The following GNAI3 variants were observed in gnomAD, a reference collection of about 807,000 sequenced individuals.
The protein encoded by GNAI3 is guanine nucleotide-binding protein G(i) subunit alpha-3.
GNAI3 carries 12 observed loss-of-function variants against 41.8 expected under a neutral mutation model. The ratio of observed to expected loss-of-function variants is 0.29; its 90% confidence interval spans 0.18 to 0.47. GNAI3 has a LOEUF of 0.47. GNAI3 is among the 20% of genes least tolerant of loss of function. The pLI is 1.00. For synonymous variants in GNAI3, 132 were observed against 146.5 expected, an observed-to-expected ratio of 0.90 and a Z score of 0.71; for missense variants, 360 against 429.6, an observed-to-expected ratio of 0.84 and a Z score of 1.43.
chr1:109,556,050 T>C (rs565071997), intron 1 of GNAI3, among the ~76,000 whole-genome samples: 2 of 147,090 alleles, frequency 1.4e-5, no homozygotes, highest in African/African-American at 5.4e-5. Context: ...TTTTTCTTTT[T>C]TTTTTTTGTT....
At chr1:109,588,338 C>T (rs1269474529) in intron 7 of GNAI3, among the ~76,000 whole-genome samples, 4 of 150,098 alleles carry the variant, frequency 2.7e-5, no homozygotes, top group East Asian at 2.0e-4. Flanking sequence ...GCCGAGATCG[C>T]GCCACTGCAC....
chr1:109,583,395 T>C (rs1295076887), intron 5 of GNAI3, among the ~76,000 whole-genome samples: 1 of 151,998 alleles, frequency 6.6e-6, no homozygotes. Context: ...AAAAATTTTA[T>C]GTAGAGACAG....
At chr1:109,589,464 G>T (rs1649116230) in intron 7 of GNAI3, among the ~76,000 whole-genome samples, 1 of 152,132 alleles carries the variant, frequency 6.6e-6, no homozygotes. Context: ...AGCAACGTGG[G>T]TTTAAAGGGA....
chr1:109,569,027 A>G (rs1235389164), intron 1 of GNAI3, among the ~76,000 whole-genome samples: 1 of 152,200 alleles, frequency 6.6e-6, no homozygotes, highest in East Asian at 1.9e-4. Flanking sequence ...CTCTCCCTTT[A>G]TTCTCTGCAG....
intron 7 of GNAI3, among the ~76,000 whole-genome samples, chr1:109,587,844 A>C (rs1275207777): frequency 6.6e-6 from 1 of 152,216 alleles, no homozygotes; most frequent in Non-Finnish European, 1.5e-5. Context: ...CAGGATGGAA[A>C]TAAAAACTTT....
intron 1 of GNAI3, among the ~76,000 whole-genome samples, chr1:109,563,170 T>C (rs1648360759): frequency 6.6e-6 from 1 of 152,164 alleles, no homozygotes; most frequent in African/African-American, 2.4e-5. Context: ...TCACTTGAGC[T>C]CAGGAGTTCG....
rs753568476 is a variant in GNAI3 at position 109,586,759 on chromosome 1, G to T, written c.751G>T (p.Asp251Tyr). Residue 251 changes from aspartate (D) to tyrosine (Y), a missense_variant, in exon 7 of 9, where the codon GAC (aspartate) becomes TAC (tyrosine). Asp to Tyr is a radical substitution (Grantham distance 160). Transcript: ENST00000369851. ...NRMHESMKLF[D>Y]SICNNKWFTE... ...AATGCATGAAAGCATGAAACTGTTTGACAGCATTTGTAATAACAAATGGTT... is the reference window on the plus strand; with the variant it reads ...AATGCATGAAAGCATGAAACTGTTTTACAGCATTTGTAATAACAAATGGTT... The T allele has an allele frequency of 6.2e-7, 1 of 1,605,000 alleles. No homozygotes were observed. The highest frequency in any genetic ancestry group is 2.2e-5 in the East Asian group (1 of 44,794).
In GNAI3 at chr1:109,596,789, C is replaced by A. The variant is rs1209755939; in HGVS notation, c.*4467C>A. 5.3e-5 allele frequency: 8 copies of A among 152,178 alleles called. No homozygotes were observed. The highest frequency in any genetic ancestry group is 8.8e-5 in the Non-Finnish European group (6 of 68,046). The allele number at this position is 152,178 out of a possible 1,614,324, so 9.4% of individuals were successfully genotyped here. A position where few individuals can be genotyped will look rare whatever the true frequency, so the allele number is the denominator to read the frequency against. ...CATGGTTAATTTGATTTAGCAGATTCTTTGGCTAAACCCTAGTAAATTAAA... is the reference window on the plus strand; with the variant it reads ...CATGGTTAATTTGATTTAGCAGATTATTTGGCTAAACCCTAGTAAATTAAA... On this transcript the variant is annotated 3_prime_UTR_variant, in exon 9 of 9. Coordinates refer to ENST00000369851, the MANE Select transcript of GNAI3 (RefSeq NM_006496.4).
rs1462710216 is a variant in GNAI3 at position 109,592,862 on chromosome 1, C to T, written c.*540C>T. On this transcript the variant is annotated 3_prime_UTR_variant, in exon 9 of 9. Transcript: ENST00000369851. ...CTCTTGGTATGGTCAGAATATAATACTTCCATAATTACTTATAATTCTTTC... is the reference window on the plus strand; with the variant it reads ...CTCTTGGTATGGTCAGAATATAATATTTCCATAATTACTTATAATTCTTTC... The T allele has an allele frequency of 2.0e-5, 3 of 152,526 alleles. No individual in the cohort carries two copies. The highest frequency in any genetic ancestry group is 7.2e-5 in the African/African-American group (3 of 41,402). The allele number at this position is 152,526 out of a possible 1,614,324, so 9.4% of individuals were successfully genotyped here. A position where few individuals can be genotyped will look rare whatever the true frequency, so the allele number is the denominator to read the frequency against.
At chr1:109,578,481 AAAAAAAAAAAG>A (rs1483895188) in intron 3 of GNAI3, among the ~76,000 whole-genome samples, 1 of 151,324 alleles carries the variant, frequency 6.6e-6, no homozygotes, top group African/African-American at 2.4e-5. Flanking sequence ...AAAAAAAAAA[AAAAAAAAAAAG>A]AAAAGAAATA....
intron 4 of GNAI3, 90 bp from the exon 5 acceptor site, chr1:109,582,347 C>A: frequency 2.2e-6 from 2 of 919,720 alleles, no homozygotes; most frequent in Non-Finnish European, 3.4e-6. Flanking sequence ...TAACTAGTAA[C>A]AGGTTTAAAA....
Position 109,573,770 on chromosome 1 carries a change from A to G in GNAI3, c.152A>G (p.Lys51Arg). 6.2e-7 allele frequency: 1 copy of G among 1,612,266 alleles called. No individual in the cohort carries two copies. Among genetic ancestry groups the G allele is most frequent in the Non-Finnish European group, 8.5e-7 (1 of 1,178,338 alleles). The change falls in exon 2 of 9, where the codon AAA becomes AGA. Residue 51 changes from lysine (K) to arginine (R), a missense_variant. By Grantham distance (26) the Lys-to-Arg change is conservative. Transcript: ENST00000369851. ...AGESGKSTIVKQMKIIHEDGY... is the reference protein window; with the variant it reads ...AGESGKSTIVRQMKIIHEDGY... ...GAATCTGGTAAAAGCACCATTGTGA[A>G]ACAGATGAAGTAAGTTGGAATGTAG...
At chr1:109,572,518 G>A (rs1262851953) in intron 1 of GNAI3, among the ~76,000 whole-genome samples, 2 of 152,160 alleles carry the variant, frequency 1.3e-5, no homozygotes, top group East Asian at 3.9e-4. Flanking sequence ...ACCTTGAGAA[G>A]TAGTTTTATT....
chr1:109,586,667 T>C (rs902980454), intron 6 of GNAI3, 62 bp from the exon 7 acceptor site: 11 of 1,242,328 alleles, frequency 8.9e-6, no homozygotes, highest in Non-Finnish European at 1.3e-5. Flanking sequence ...TTTGTCTTTT[T>C]CATTAACTTA....
In GNAI3 at chr1:109,552,703, G is replaced by C. The variant is rs693511; in HGVS notation, c.118+3865G>C. On this transcript the variant is annotated intron_variant, in intron 1 of 8. Coordinates refer to ENST00000369851, the MANE Select transcript of GNAI3 (RefSeq NM_006496.4). ...CCATAATTTCATAATAAGAAATTTT[G>C]TGTGTGCGGGTTTTGTTTTTGTTTT... Among the ~76,000 whole-genome samples the C allele has an allele frequency of 1.8e-3, 276 of 151,478 alleles. 1 individual carries two copies. Among genetic ancestry groups the C allele is most frequent in the African/African-American group, 6.0e-3 (250 of 41,334 alleles).
In GNAI3 at chr1:109,566,603, C is replaced by T. The variant is rs1648460278; in HGVS notation, c.119-7134C>T. 2.0e-5 allele frequency among the ~76,000 whole-genome samples: 3 copies of T among 152,070 alleles called. No homozygotes were observed. In the South Asian group the frequency reaches 6.2e-4, roughly 32 times the overall value. On this transcript the variant is annotated intron_variant, in intron 1 of 8. Transcript: ENST00000369851. ...TCGAGATGGAGTTTGCTCTTGTTGC[C>T]CAGGCCGGAGTGCAATGGCGCGGTC...
chr1:109,581,497 A>G (rs1359552450), intron 4 of GNAI3, among the ~76,000 whole-genome samples: 1 of 152,150 alleles, frequency 6.6e-6, no homozygotes, highest in African/African-American at 2.4e-5. Flanking sequence ...TTGATTTAGT[A>G]TTACATTTCA....
chr1:109,573,689 T>C lies in GNAI3; in HGVS notation c.119-48T>C, dbSNP rs749984466. On this transcript the variant is annotated intron_variant, in intron 1 of 8. Transcript: ENST00000369851. ...TATCATTCATGTTGATATTATACTTTTATGTTGATTACCGAGAAATTCAAA... is the reference window on the plus strand; with the variant it reads ...TATCATTCATGTTGATATTATACTTCTATGTTGATTACCGAGAAATTCAAA... 8 of 1,451,104 alleles carry C rather than the reference T, an allele frequency of 5.5e-6. No individual in the cohort carries two copies. In the South Asian group the frequency reaches 5.7e-5, roughly 10 times the overall value. 89.9% of individuals were successfully genotyped at this position (1,451,104 alleles called of 1,614,324 possible). A position where few individuals can be genotyped will look rare whatever the true frequency, so the allele number is the denominator to read the frequency against.
Position 109,592,360 on chromosome 1 carries a change from G to A in GNAI3, c.*38G>A. Reference sequence around the variant, plus strand: ...TCTCTTCTAGTTACTACAGTGTGGAGTGTTGAGACCAGACACCTTTTGCTG... The same window carrying A: ...TCTCTTCTAGTTACTACAGTGTGGAATGTTGAGACCAGACACCTTTTGCTG... On this transcript the variant is annotated 3_prime_UTR_variant, in exon 9 of 9. Transcript: ENST00000369851. 1 of 627,978 alleles carries A rather than the reference G, an allele frequency of 1.6e-6. No homozygotes were observed. The highest frequency in any genetic ancestry group is 2.8e-6 in the Non-Finnish European group (1 of 360,244). 38.9% of individuals were successfully genotyped at this position (627,978 alleles called of 1,614,324 possible). A position where few individuals can be genotyped will look rare whatever the true frequency, so the allele number is the denominator to read the frequency against.
Sources: gnomAD v4.1 joint callset for allele counts (sites outside exome capture counted in the v4.1 genomes callset) on GRCh38, gnomAD v4.1.1 for gene constraint, MANE v1.5 for transcripts, NCBI Gene and HGNC (gene_info 2026-07-23, HGNC 2026-07-21) for gene names.